Variants in TUBA3E observed in about 807,000 individuals in gnomAD.
TUBA3E encodes tubulin alpha-3E chain.
In TUBA3E, 21 loss-of-function variants were observed where a neutral mutation model predicts 36.7. The ratio of observed to expected loss-of-function variants is 0.57; its 90% CI spans 0.41 to 0.83. The LOEUF (loss-of-function observed/expected upper bound fraction) is 0.83. TUBA3E is among the 40% of genes least tolerant of loss of function. TUBA3E has a pLI of 0.00. For synonymous variants in TUBA3E, 177 were observed against 241.9 expected (o/e 0.73, Z 2.49); for missense variants, 469 against 604.2 (o/e 0.78, Z 2.35).
At chr2:130,194,606 A>G in intron 3 of TUBA3E, 140 bp from the exon 4 acceptor site, 1 of 1,100,144 alleles carries the variant, frequency 9.1e-7, no homozygotes, top group East Asian at 2.6e-5. Flanking sequence ...ATACACTTTG[A>G]AGCAAAGAAA....
rs1241708893 is a variant in TUBA3E, at chr2:130,197,797, T to A, written c.3+561A>T. On this transcript the variant is annotated intron_variant, in intron 1 of 4. Coordinates refer to ENST00000312988, the MANE Select transcript of TUBA3E (RefSeq NM_207312.3). ...AATTTTAGTATTTTTTTGTAGAGAC[T>A]GGGTTTCGCCATGTTGGTCGGGCTG... Among the ~76,000 whole-genome samples, 11 of 123,938 alleles carry A rather than the reference T, an allele frequency of 8.9e-5. 3 individuals carry two copies. Among genetic ancestry groups the A allele is most frequent in the South Asian group, 2.8e-4 (1 of 3,634 alleles). 81.3% of individuals were successfully genotyped at this position (123,938 alleles called of 152,430 possible).
chr2:130,196,701 A>C (rs1690413052), intron 1 of TUBA3E, among the ~76,000 whole-genome samples: 1 of 152,242 alleles, frequency 6.6e-6, no homozygotes, highest in Admixed American at 6.5e-5. Flanking sequence ...AAGAATAAGT[A>C]GCAGTTTTTG....
chr2:130,196,308 G>C lies in TUBA3E; in HGVS notation c.67C>G (p.Leu23Val). The C allele has an allele frequency of 6.2e-7, 1 of 1,614,122 alleles. No homozygotes were observed. Among genetic ancestry groups the C allele is most frequent in the Non-Finnish European group, 8.5e-7 (1 of 1,179,960 alleles). The change falls in exon 2 of 5, where the codon CTG becomes GTG. Residue 23 changes from leucine (L) to valine (V), a missense_variant. By Grantham distance (32) the Leu-to-Val change is conservative (BLOSUM62 1). Around this residue, in one of 3 missense-constraint regions of TUBA3E, gnomAD observed 169 missense variants for 239.0 expected, o/e 0.71. Transcript: ENST00000312988. ...TGAATTCCATGTTCAAGGCAGTACA[G>C]TTCCCAGCAGGCATTGCCGATCTGG... ...GVQIGNACWELYCLEHGIQPD... is the reference protein window; with the variant it reads ...GVQIGNACWEVYCLEHGIQPD...
chr2:130,193,690 CA>C, intron 4 of TUBA3E, 95 bp downstream of exon 4: 1 of 1,468,352 alleles, frequency 6.8e-7, no homozygotes, highest in East Asian at 2.3e-5. Context: ...GCCCATGGAA[CA>C]GGGATAGTCT....
Position 130,198,333 on chromosome 2 carries a change from G to A in TUBA3E, c.3+25C>T, listed in dbSNP as rs201639414. Reference sequence around the variant, plus strand: ...CAACTTCGTCTGCCTGGGCATCTGCGGGGCGGGAGTGACCCGGGTCTTACC... The same window carrying A: ...CAACTTCGTCTGCCTGGGCATCTGCAGGGCGGGAGTGACCCGGGTCTTACC... On this transcript the variant is annotated intron_variant, in intron 1 of 4. Coordinates refer to ENST00000312988, the MANE Select transcript of TUBA3E (RefSeq NM_207312.3). 89 of 1,353,234 alleles carry A rather than the reference G, an allele frequency of 6.6e-5. 27 individuals carry two copies. The East Asian group carries it at 2.0e-3, about 30-fold the overall frequency. The allele number at this position is 1,353,234 out of a possible 1,614,324, so 83.8% of individuals were successfully genotyped here.
Position 130,193,905 on chromosome 2 carries a change from T to G in TUBA3E, c.937A>C (p.Met313Leu), listed in dbSNP as rs752184368. The part of the protein sequence containing the change: ...VKCDPRHGKY[M>L]ACCMLYRGDV... ...CCCCTGTACAACATGCAGCAGGCCA[T>G]GTACTTGCCATGGCGAGGGTCACAC... The change falls in exon 4 of 5, where the codon ATG becomes CTG. Residue 313 changes from methionine to leucine, a missense_variant. Around this residue, in one of 3 missense-constraint regions of TUBA3E, gnomAD observed 296 missense variants for 346.9 expected, o/e 0.85. Transcript: ENST00000312988. The G allele has an allele frequency of 3.3e-5, 54 of 1,614,092 alleles. No homozygotes were observed. The highest frequency in any genetic ancestry group is 4.2e-5 in the Non-Finnish European group (49 of 1,180,044).
rs1341484831 is a variant in TUBA3E, at chr2:130,194,106, C to T, written c.736G>A (p.Gly246Arg). ...SSITASLRFDGALNVDLTEFQ... is the reference protein window; with the variant it reads ...SSITASLRFDRALNVDLTEFQ... The stretch of plus-strand genomic sequence containing the variant: ...TCCGTCAAGTCCACATTCAGGGCCC[C>T]ATCAAATCGCAGGGAGGCCGTGATG... Residue 246 changes from glycine (G) to arginine (R), a missense_variant, in exon 4 of 5, where the codon GGG becomes AGG. By Grantham distance (125) the Gly-to-Arg change is moderately radical (BLOSUM62 -2). Around this residue, in one of 3 missense-constraint regions of TUBA3E, gnomAD observed 296 missense variants for 346.9 expected, o/e 0.85. Transcript: ENST00000312988. 6.2e-7 allele frequency: 1 copy of T among 1,614,184 alleles called. No individual in the cohort carries two copies. The highest frequency in any genetic ancestry group is 1.7e-5 in the Admixed American group (1 of 60,020).
In TUBA3E at chr2:130,194,056, G is replaced by A. The variant is rs774842992; in HGVS notation, c.786C>T (p.Tyr262=). 6.2e-7 allele frequency: 1 copy of A among 1,614,218 alleles called. No individual in the cohort carries two copies. Among genetic ancestry groups the A allele is most frequent in the South Asian group, 1.1e-5 (1 of 91,088 alleles). Residue 262 remains tyrosine, a synonymous_variant, in exon 4 of 5, where the codon TAC becomes TAT. Transcript: ENST00000312988. ...LTEFQTNLVP[Y]PRIHFPLATY... The stretch of plus-strand genomic sequence containing the variant: ...TGGCCAGGGGGAAGTGGATGCGGGG[G>A]TACGGCACGAGGTTGGTCTGGAATT...
chr2:130,197,397 G>A lies in TUBA3E; in HGVS notation c.3+961C>T, dbSNP rs1346846987. ...AGCTACTCGGAAGGCTGAGGCGGGA[G>A]GACTGCTGGAAGCCAGGGGTTCAAG... On this transcript the variant is annotated intron_variant, in intron 1 of 4. Transcript: ENST00000312988. 2.6e-5 allele frequency among the ~76,000 whole-genome samples: 3 copies of A among 117,136 alleles called. 1 individual carries two copies. In the East Asian group the frequency reaches 8.2e-4, roughly 32 times the overall value. 76.8% of individuals were successfully genotyped at this position (117,136 alleles called of 152,430 possible).
rs1245666760 is a variant in TUBA3E at position 130,198,427 on chromosome 2, G to A, written c.-67C>T. On this transcript the variant is annotated 5_prime_UTR_variant, in exon 1 of 5. Coordinates refer to ENST00000312988, the MANE Select transcript of TUBA3E (RefSeq NM_207312.3). Reference sequence around the variant, plus strand: ...CAACCGGCTGCCACAGCTGCTGAGCGCCCAACTGCAATGACCTGCCCACGC... The same window carrying A: ...CAACCGGCTGCCACAGCTGCTGAGCACCCAACTGCAATGACCTGCCCACGC... 11 of 1,349,830 alleles carry A rather than the reference G, an allele frequency of 8.1e-6. 1 individual carries two copies. Among genetic ancestry groups the A allele is most frequent in the South Asian group, 1.3e-5 (1 of 74,928 alleles). 83.6% of individuals were successfully genotyped at this position (1,349,830 alleles called of 1,614,324 possible).
chr2:130,198,343 T>G lies in TUBA3E; in HGVS notation c.3+15A>C, dbSNP rs1184471852. 1.5e-6 allele frequency: 2 copies of G among 1,351,988 alleles called. 1 individual carries two copies. The highest frequency in any genetic ancestry group is 3.1e-5 in the African/African-American group (2 of 64,142). The allele number at this position is 1,351,988 out of a possible 1,614,324, so 83.7% of individuals were successfully genotyped here. A position where few individuals can be genotyped will look rare whatever the true frequency, so the allele number is the denominator to read the frequency against. ...TGCCTGGGCATCTGCGGGGCGGGAG[T>G]GACCCGGGTCTTACCATGGCGAACT... On this transcript the variant is annotated intron_variant, in intron 1 of 4. Coordinates refer to ENST00000312988, the MANE Select transcript of TUBA3E (RefSeq NM_207312.3).
chr2:130,192,923 ATC>A (rs1690302273), intron 4 of TUBA3E, among the ~76,000 whole-genome samples: 1 of 151,990 alleles, frequency 6.6e-6, no homozygotes. Flanking sequence ...GCAAAATCCC[ATC>A]TCTACTAAAA....
chr2:130,193,351 G>A (rs1023732560), intron 4 of TUBA3E, among the ~76,000 whole-genome samples: 11 of 152,132 alleles, frequency 7.2e-5, no homozygotes, highest in African/African-American at 2.7e-4. Context: ...GCTCACGACT[G>A]TAATCCCAGC....
rs775904368 is a variant in TUBA3E, at chr2:130,196,348, C to T, written c.27G>A (p.Val9=). Residue 9 remains valine (V), a synonymous_variant, in exon 2 of 5, where the codon GTG becomes GTA. Coordinates refer to ENST00000312988, the MANE Select transcript of TUBA3E (RefSeq NM_207312.3). ...TGCCGATCTGGACACCCGCCTGCCC[C>T]ACGTGGATAGAGATACACTCGCGCT... The part of the protein sequence containing the change: MRECISIH[V]GQAGVQIGNA... 13 of 1,613,838 alleles carry T rather than the reference C, an allele frequency of 8.1e-6. No individual in the cohort carries two copies. Among genetic ancestry groups the T allele is most frequent in the Admixed American group, 3.3e-5 (2 of 59,982 alleles).
Position 130,193,816 on chromosome 2 carries a change from C to A in TUBA3E, c.1026G>T (p.Gln342His), listed in dbSNP as rs754085046. The A allele has an allele frequency of 3.7e-6, 6 of 1,611,606 alleles. No individual in the cohort carries two copies. Among genetic ancestry groups the A allele is most frequent in the Non-Finnish European group, 5.1e-6 (6 of 1,178,088 alleles). The change falls in exon 4 of 5, where the codon CAG becomes CAT. Residue 342 changes from glutamine to histidine, a missense_variant. By Grantham distance (24) the Gln-to-His change is conservative. Around this residue, in one of 3 missense-constraint regions of TUBA3E, gnomAD observed 296 missense variants for 346.9 expected, o/e 0.85. Coordinates refer to ENST00000312988, the MANE Select transcript of TUBA3E (RefSeq NM_207312.3). ...ATCCAGTCGGGCACCAATCCACAAA[C>A]TGGATAGTGCGCTTGGTCTTGATGG... ...IATIKTKRTIQFVDWCPTGFK... is the reference protein window; with the variant it reads ...IATIKTKRTIHFVDWCPTGFK...
chr2:130,195,816 A>C lies in TUBA3E; in HGVS notation c.226+333T>G, dbSNP rs193044216. 1.7e-3 allele frequency among the ~76,000 whole-genome samples: 264 copies of C among 152,376 alleles called. 1 individual carries two copies. The highest frequency in any genetic ancestry group is 6.1e-3 in the African/African-American group (253 of 41,590). On this transcript the variant is annotated intron_variant, in intron 2 of 4. Coordinates refer to ENST00000312988, the MANE Select transcript of TUBA3E (RefSeq NM_207312.3). The stretch of plus-strand genomic sequence containing the variant: ...AGACTCTCGTGCACCAGCATAAGAG[A>C]ATGCACAGCATTCGGGAGGGAACCA...
intron 3 of TUBA3E, 55 bp downstream of exon 3, chr2:130,195,024 C>T: frequency 1.9e-6 from 3 of 1,598,724 alleles, no homozygotes; most frequent in South Asian, 1.1e-5. Context: ...TTTCACATTC[C>T]AAGAACTACC....
chr2:130,195,365 G>A, intron 2 of TUBA3E, 138 bp from the exon 3 acceptor site: 4 of 1,319,810 alleles, frequency 3.0e-6, no homozygotes, highest in Admixed American at 4.8e-5. Context: ...AACAGTGGCA[G>A]TGTCTGGTAG....
intron 4 of TUBA3E, among the ~76,000 whole-genome samples, chr2:130,192,993 C>T (rs1690303554): frequency 6.6e-6 from 1 of 151,376 alleles, no homozygotes; most frequent in Non-Finnish European, 1.5e-5. Flanking sequence ...ACTTGGGAGG[C>T]TGAGGCAGAG....
Sources: gnomAD v4.1 joint callset for allele counts (sites outside exome capture counted in the v4.1 genomes callset) on GRCh38, gnomAD v4.1.1 for gene constraint, gnomAD v4.1.1 regional missense constraint, MANE v1.5 for transcripts, NCBI Gene and HGNC (gene_info 2026-07-23, HGNC 2026-07-21) for gene names.